ERBB4: variants seen among roughly 807,000 people sequenced by gnomAD.
ERBB4 encodes the protein erb-b2 receptor tyrosine kinase 4, also known as receptor tyrosine-protein kinase erbB-4.
Under a neutral mutation model 158.0 loss-of-function variants are expected in ERBB4, and 42 were observed. The ratio of observed to expected loss-of-function variants is 0.27; its 90% confidence interval spans 0.21 to 0.34. ERBB4 has a LOEUF of 0.34. Among genes scored for constraint, ERBB4 ranks in the 10% least tolerant of loss-of-function variants. The probability of loss-of-function intolerance (pLI) is 1.00; values close to 1 mark genes in which losing one functional copy is unlikely to be tolerated. For synonymous variants in ERBB4, 583 were observed against 558.7 expected (o/e 1.04, Z -0.61); for missense variants, 1,333 against 1,624.1 (o/e 0.82, Z 3.08).
chr2:212,221,893 T>C (rs1216686878), intron 1 of ERBB4, among the ~76,000 whole-genome samples: 3 of 151,408 alleles, frequency 2.0e-5, no homozygotes, highest in African/African-American at 7.3e-5. Context: ...CTCTATCTCT[T>C]GATATTTGTA....
At position 211,743,174 on chromosome 2, in the gene ERBB4, C is replaced by CT. The variant is rs149492232; in HGVS notation, c.622+7464dup. On this transcript the variant is annotated intron_variant, in intron 5 of 27. Transcript: ENST00000342788. ...TGTCAAACTCACATTTTTCAATCAG[C>CT]TTATCAGCAAGAAACATCACTTATA... Among the ~76,000 whole-genome samples the CT allele has an allele frequency of 2.8e-3, 427 of 152,274 alleles. 5 individuals carry two copies. The highest frequency in any genetic ancestry group is 9.7e-3 in the African/African-American group (404 of 41,564).
In ERBB4 at chr2:212,170,084, T is replaced by C. The variant is rs541881357; in HGVS notation, c.83-45181A>G. ...GGTAATGGGCAGAGGTTGGAACAATTTGGAGGGCCCAAAAGAATACAGGAA... is the reference window on the plus strand; with the variant it reads ...GGTAATGGGCAGAGGTTGGAACAATCTGGAGGGCCCAAAAGAATACAGGAA... On this transcript the variant is annotated intron_variant, in intron 1 of 27. Coordinates refer to ENST00000342788, the MANE Select transcript of ERBB4 (RefSeq NM_005235.3). Among the ~76,000 whole-genome samples, 15 of 152,178 alleles carry C rather than the reference T, an allele frequency of 9.9e-5. No individual in the cohort carries two copies. The South Asian group carries it at 2.9e-3, about 29-fold the overall frequency.
At chr2:211,975,967 T>A (rs1355111658) in intron 2 of ERBB4, among the ~76,000 whole-genome samples, 1 of 152,202 alleles carries the variant, frequency 6.6e-6, no homozygotes, top group Non-Finnish European at 1.5e-5. Context: ...CAGGGATGTT[T>A]AACAATATTT....
chr2:211,651,888 G>A (rs958645456), intron 16 of ERBB4, among the ~76,000 whole-genome samples: 10 of 152,170 alleles, frequency 6.6e-5, no homozygotes, highest in African/African-American at 1.7e-4. Context: ...AGCCTGGTGA[G>A]AAGATAAGGA....
At chr2:212,087,260 T>G (rs1281542998) in intron 2 of ERBB4, among the ~76,000 whole-genome samples, 1 of 147,688 alleles carries the variant, frequency 6.8e-6, no homozygotes, top group Non-Finnish European at 1.5e-5. Context: ...ATTTTTCCTA[T>G]GTTGCTTAGA....
At chr2:212,427,735 T>C (rs769537815) in intron 1 of ERBB4, among the ~76,000 whole-genome samples, 4 of 152,144 alleles carry the variant, frequency 2.6e-5, no homozygotes, top group African/African-American at 4.8e-5. Context: ...TTATTCAGTA[T>C]ACCTGAAAGA....
At chr2:211,787,655 T>C (rs1336710138) in intron 4 of ERBB4, among the ~76,000 whole-genome samples, 1 of 152,182 alleles carries the variant, frequency 6.6e-6, no homozygotes, top group Non-Finnish European at 1.5e-5. Flanking sequence ...GAAGGTACAT[T>C]TTTGTTCTAC....
chr2:211,969,581 C>T (rs1251390405), intron 2 of ERBB4, among the ~76,000 whole-genome samples: 1 of 152,040 alleles, frequency 6.6e-6, no homozygotes, highest in Non-Finnish European at 1.5e-5. Context: ...TAAAGCAGTT[C>T]TTACCCTATT....
intron 1 of ERBB4, among the ~76,000 whole-genome samples, chr2:212,455,961 G>A (rs879774044): frequency 3.9e-5 from 6 of 152,000 alleles, no homozygotes; most frequent in Middle Eastern, 3.4e-3. Flanking sequence ...CACCTTTAAC[G>A]TAATGGCTTC....
chr2:211,949,072 G>A (rs2080797616), intron 2 of ERBB4, among the ~76,000 whole-genome samples: 1 of 151,968 alleles, frequency 6.6e-6, no homozygotes, highest in Non-Finnish European at 1.5e-5. Context: ...GACACCCCAA[G>A]TGTGATCCAT....
intron 1 of ERBB4, among the ~76,000 whole-genome samples, chr2:212,530,617 A>T (rs1448204308): frequency 1.3e-5 from 2 of 152,178 alleles, no homozygotes; most frequent in African/African-American, 4.8e-5. Context: ...CAGAGCCTGG[A>T]GAATCTGTTG....
chr2:212,333,270 C>T (rs2088266438), intron 1 of ERBB4, among the ~76,000 whole-genome samples: 1 of 151,970 alleles, frequency 6.6e-6, no homozygotes, highest in Admixed American at 6.6e-5. Flanking sequence ...TGATCATCCT[C>T]TTCATTTCTT....
At chr2:211,749,893 A>C (rs1403368411) in intron 5 of ERBB4, among the ~76,000 whole-genome samples, 2 of 152,202 alleles carry the variant, frequency 1.3e-5, no homozygotes, top group Non-Finnish European at 2.9e-5. Context: ...AGCAGGAAGA[A>C]TGAGTGTTTA....
chr2:211,595,962 C>G (rs569034003), intron 19 of ERBB4, among the ~76,000 whole-genome samples: 10 of 151,838 alleles, frequency 6.6e-5, no homozygotes, highest in African/African-American at 2.4e-4. Flanking sequence ...CCAACAATAT[C>G]CAATTAAAAA....
At chr2:211,950,824 TTTG>T (rs1402603311) in intron 2 of ERBB4, among the ~76,000 whole-genome samples, 2 of 152,208 alleles carry the variant, frequency 1.3e-5, no homozygotes, top group African/African-American at 4.8e-5. Flanking sequence ...TACACAGCAA[TTTG>T]TTTAAAATTG....
At position 211,623,909 on chromosome 2, in the gene ERBB4, G is replaced by C; in HGVS notation, c.2202+13C>G. The C allele has an allele frequency of 6.2e-7, 1 of 1,613,604 alleles. No individual in the cohort carries two copies. Among genetic ancestry groups the C allele is most frequent in the Non-Finnish European group, 8.5e-7 (1 of 1,179,684 alleles). On this transcript the variant is annotated intron_variant, in intron 18 of 27. Transcript: ENST00000342788. ...CAAAACTTAACTAACGATATGCGTT[G>C]TTTTTTACTTACTTTATAAACCGTT...
chr2:211,630,433 C>T (rs770527411), intron 17 of ERBB4, 29 bp downstream of exon 17: 1 of 1,612,530 alleles, frequency 6.2e-7, no homozygotes, highest in South Asian at 1.1e-5. Flanking sequence ...AATCCCCAAA[C>T]ACATGAAGAG....
At chr2:212,231,031 C>T (rs545376628) in intron 1 of ERBB4, among the ~76,000 whole-genome samples, 3 of 152,226 alleles carry the variant, frequency 2.0e-5, no homozygotes, top group Non-Finnish European at 2.9e-5. Context: ...CTTGAATCTT[C>T]GAAATACAGT....
chr2:212,460,157 G>T (rs918475286), intron 1 of ERBB4, among the ~76,000 whole-genome samples: 14 of 152,270 alleles, frequency 9.2e-5, no homozygotes, highest in Non-Finnish European at 1.8e-4. Context: ...CACCATGATT[G>T]TGAGGCTCCC....
Sources: allele counts gnomAD v4.1 joint callset (sites outside exome capture counted in the v4.1 genomes callset), GRCh38; gene constraint gnomAD v4.1.1; transcripts MANE v1.5; gene names NCBI Gene and HGNC (gene_info 2026-07-23, HGNC 2026-07-21).